Variants in GABRA3 observed in about 807,000 individuals in gnomAD.
The protein encoded by GABRA3 is gamma-aminobutyric acid type A receptor subunit alpha3, also known as gamma-aminobutyric acid receptor subunit alpha-3.
In GABRA3, 10 loss-of-function variants were observed where a neutral mutation model predicts 30.1. The observed-to-expected ratio is 0.33, with a 90% CI of 0.20 to 0.56. The LOEUF (loss-of-function observed/expected upper bound fraction) is 0.56. GABRA3 is among the 20% of genes least tolerant of loss of function. The pLI is 0.89. For missense variants in GABRA3, 233 were observed against 392.0 expected (o/e 0.59, Z 3.42); for synonymous variants, 151 against 146.8 (o/e 1.03, Z -0.21).
chrX:152,450,542 A>AG (rs1452958792), intron 1 of GABRA3, among the ~76,000 whole-genome samples: 2 of 109,695 alleles, frequency 1.8e-5, no homozygotes. Context: ...CCTCAAAGGA[A>AG]GGGGGGAGGG....
At chrX:152,403,568 ACG>A (rs1491519020) in intron 1 of GABRA3, among the ~76,000 whole-genome samples, 1 of 33,774 alleles carries the variant, frequency 3.0e-5, no homozygotes, top group Non-Finnish European at 1.5e-4. Context: ...GTATGTGCAC[ACG>A]TGTGTGTGTG....
chrX:152,198,417 T>C (rs1937417078), intron 7 of GABRA3, among the ~76,000 whole-genome samples: 1 of 112,784 alleles, frequency 8.9e-6, no homozygotes. Flanking sequence ...CTTACTGCGC[T>C]TTTACTGTGT....
chrX:152,425,025 C>G (rs1339382166), intron 1 of GABRA3, among the ~76,000 whole-genome samples: 2 of 101,415 alleles, frequency 2.0e-5, no homozygotes, highest in African/African-American at 3.7e-5. Flanking sequence ...CTTGACCTCC[C>G]AGGCCCAGGC....
intron 1 of GABRA3, among the ~76,000 whole-genome samples, chrX:152,370,400 G>C (rs769986861): frequency 1.1e-4 from 12 of 111,724 alleles, no homozygotes; most frequent in Non-Finnish European, 2.1e-4. Flanking sequence ...GTCACAACTT[G>C]TCACCAGAGT....
chrX:152,290,552 CA>C (rs1407438846), intron 3 of GABRA3, among the ~76,000 whole-genome samples: 1 of 111,668 alleles, frequency 9.0e-6, no homozygotes, highest in Non-Finnish European at 1.9e-5. Flanking sequence ...CTTTTGTTGC[CA>C]TTGCTTTTGG....
chrX:152,344,185 T>C (rs1053928780), intron 3 of GABRA3, among the ~76,000 whole-genome samples: 3 of 111,762 alleles, frequency 2.7e-5, no homozygotes, highest in African/African-American at 6.5e-5. Flanking sequence ...GAATATACTG[T>C]CATGCCATAT....
chrX:152,375,066 G>A lies in GABRA3; in HGVS notation c.-26-10470C>T, dbSNP rs145685399. Among the ~76,000 whole-genome samples, 465 of 111,078 alleles carry A rather than the reference G, an allele frequency of 4.2e-3. 1 individual carries two copies. The highest frequency in any genetic ancestry group is 0.014 in the African/African-American group (419 of 30,511). On this transcript the variant is annotated intron_variant, in intron 1 of 9. Coordinates refer to ENST00000370314, the MANE Select transcript of GABRA3 (RefSeq NM_000808.4). ...TCAATACCATGAAAATGGCCATACC[G>A]CCCAAAGTAATTTATATTCCCATTA...
At chrX:152,291,668 T>C (rs1332279494) in intron 3 of GABRA3, among the ~76,000 whole-genome samples, 1 of 111,554 alleles carries the variant, frequency 9.0e-6, no homozygotes, top group African/African-American at 3.3e-5. Context: ...TAGCTCTTAT[T>C]ATTTTGAGAT....
At chrX:152,241,311 GGGGTCA>G (rs1280870457) in intron 5 of GABRA3, among the ~76,000 whole-genome samples, 5 of 56,987 alleles carry the variant, frequency 8.8e-5, no homozygotes, top group Non-Finnish European at 2.6e-4. Context: ...AGGCTGCTCA[GGGGTCA>G]GGGGTCAGGG....
chrX:152,199,356 C>T (rs1312114996), intron 7 of GABRA3, among the ~76,000 whole-genome samples: 1 of 104,640 alleles, frequency 9.6e-6, no homozygotes, highest in African/African-American at 3.4e-5. Flanking sequence ...ACAGGCGAGA[C>T]TCTGTCTCAA....
rs781050179 is a variant in GABRA3, at chrX:152,404,808, T to C, written c.-26-40212A>G. Among the ~76,000 whole-genome samples the C allele has an allele frequency of 4.7e-5, 5 of 106,140 alleles. No homozygotes were observed. In the South Asian group the frequency reaches 2.2e-3, roughly 46 times the overall value. The allele number at this position is 106,140 out of a possible 115,157, so 92.2% of individuals were successfully genotyped here. A position where few individuals can be genotyped will look rare whatever the true frequency, so the allele number is the denominator to read the frequency against. ...GGTTCTCAGTGTCTAAGGAAATTTC[T>C]GTCAAATCACTAGCTAAGTTAAGAA... On this transcript the variant is annotated intron_variant, in intron 1 of 9. Coordinates refer to ENST00000370314, the MANE Select transcript of GABRA3 (RefSeq NM_000808.4).
At chrX:152,224,956 T>C in intron 5 of GABRA3, 111 bp from the exon 6 acceptor site, 1 of 488,636 alleles carries the variant, frequency 2.0e-6, no homozygotes, top group Admixed American at 3.0e-5. Flanking sequence ...TTTGTTTAAG[T>C]TCACTGAGAT....
chrX:152,418,641 A>G (rs1223317589), intron 1 of GABRA3, among the ~76,000 whole-genome samples: 1 of 111,774 alleles, frequency 8.9e-6, no homozygotes, highest in Non-Finnish European at 1.9e-5. Context: ...AAAACCGAAG[A>G]AAGTAGAAAG....
intron 5 of GABRA3, among the ~76,000 whole-genome samples, chrX:152,236,869 G>C (rs1275373698): frequency 9.7e-6 from 1 of 102,566 alleles, no homozygotes; most frequent in African/African-American, 3.6e-5. Context: ...AAATTTGTTT[G>C]AGTTCATTGT....
chrX:152,240,363 C>T (rs1206134536), intron 5 of GABRA3, among the ~76,000 whole-genome samples: 38 of 93,110 alleles, frequency 4.1e-4, no homozygotes, highest in Non-Finnish European at 2.4e-4. Flanking sequence ...CTGAGAGATC[C>T]GCTGTTAGTC....
At chrX:152,386,417 C>A (rs1179824975) in intron 1 of GABRA3, among the ~76,000 whole-genome samples, 3 of 110,729 alleles carry the variant, frequency 2.7e-5, no homozygotes, top group Non-Finnish European at 3.8e-5. Flanking sequence ...GGGCTAATAT[C>A]CAGAATCTAC....
intron 2 of GABRA3, among the ~76,000 whole-genome samples, chrX:152,361,325 C>T (rs1162468721): frequency 9.1e-6 from 1 of 109,517 alleles, no homozygotes; most frequent in Non-Finnish European, 1.9e-5. Flanking sequence ...GGCACAGTGG[C>T]TCATACTGGG....
intron 5 of GABRA3, among the ~76,000 whole-genome samples, chrX:152,228,763 T>A (rs1938012558): frequency 9.0e-6 from 1 of 111,194 alleles, no homozygotes; most frequent in Non-Finnish European, 1.9e-5. Flanking sequence ...CCAAGACACA[T>A]CGGAAATTTT....
chrX:152,387,089 T>A (rs190415205), intron 1 of GABRA3, among the ~76,000 whole-genome samples: 1 of 102,965 alleles, frequency 9.7e-6, no homozygotes, highest in Admixed American at 1.1e-4. Flanking sequence ...TAGGTGGGAA[T>A]TGAACAATGA....
Sources: gnomAD v4.1 joint callset for allele counts (sites outside exome capture counted in the v4.1 genomes callset) on GRCh38, gnomAD v4.1.1 for gene constraint, MANE v1.5 for transcripts, NCBI Gene and HGNC (gene_info 2026-07-23, HGNC 2026-07-21) for gene names.